Variants in AP1G1 observed in about 807,000 individuals in gnomAD.
AP1G1 encodes the protein AP-1 complex subunit gamma-1.
A neutral mutation model predicts 108.3 loss-of-function variants in AP1G1; 7 were observed. The ratio of observed to expected loss-of-function variants is 0.06; its 90% CI spans 0.04 to 0.12. The LOEUF is 0.12. Ranked by LOEUF, AP1G1 falls within the 10% of genes least tolerant of loss-of-function variation. The pLI is 1.00. For missense variants in AP1G1, 756 were observed against 1,010.7 expected, an observed-to-expected ratio of 0.75 and a Z score of 3.42; for synonymous variants, 379 against 353.5, an observed-to-expected ratio of 1.07 and a Z score of -0.81.
chr16:71,797,432 G>T (rs915998695), intron 1 of AP1G1, among the ~76,000 whole-genome samples: 1 of 152,058 alleles, frequency 6.6e-6, no homozygotes, highest in East Asian at 1.9e-4. Flanking sequence ...TTCAAACCTA[G>T]TAAGGTGTCA....
rs2045476002 is a variant in AP1G1, at chr16:71,731,646, T to G, written c.*1412A>C. The G allele has an allele frequency of 6.6e-6, 1 of 152,532 alleles. No individual in the cohort carries two copies. Among genetic ancestry groups the G allele is most frequent in the Admixed American group, 6.5e-5 (1 of 15,274 alleles). The allele number at this position is 152,532 out of a possible 1,614,324, so 9.4% of individuals were successfully genotyped here. On this transcript the variant is annotated 3_prime_UTR_variant, in exon 23 of 23. Transcript: ENST00000299980. ...TCTACTTCATTCCAGCAACTCAATT[T>G]CAAAGTTTGATAACATATGGGTCCT...
chr16:71,801,322 CCATGA>C (rs1454932469), intron 1 of AP1G1, among the ~76,000 whole-genome samples: 1 of 125,110 alleles, frequency 8.0e-6, no homozygotes, highest in Non-Finnish European at 1.6e-5. Context: ...TATTTACTGA[CCATGA>C]CATGTTAAAA....
intron 11 of AP1G1, among the ~76,000 whole-genome samples, chr16:71,757,124 T>C (rs918750717): frequency 6.6e-6 from 1 of 152,172 alleles, no homozygotes; most frequent in African/African-American, 2.4e-5. Flanking sequence ...TGGTCAATAA[T>C]ATCAAACACT....
At chr16:71,757,128 A>C (rs934171499) in intron 11 of AP1G1, among the ~76,000 whole-genome samples, 10 of 152,190 alleles carry the variant, frequency 6.6e-5, no homozygotes, top group Non-Finnish European at 1.2e-4. Context: ...CAATAATATC[A>C]AACACTATAT....
intron 21 of AP1G1, among the ~76,000 whole-genome samples, chr16:71,738,671 C>G (rs1401236970): frequency 6.6e-6 from 1 of 152,228 alleles, no homozygotes; most frequent in Admixed American, 6.5e-5. Flanking sequence ...TGAGCATTAA[C>G]TGATCACCTC....
intron 1 of AP1G1, chr16:71,808,503 A>C (rs1377876079): frequency 8.0e-7 from 1 of 1,256,080 alleles, no homozygotes; most frequent in Non-Finnish European, 1.0e-6. Context: ...GGAGGCCCGT[A>C]CCGGCGGGGC....
chr16:71,777,788 T>TCC, intron 2 of AP1G1: 2 of 428,110 alleles, frequency 4.7e-6, no homozygotes, highest in South Asian at 3.5e-5. Context: ...CTCCTTCAGG[T>TCC]CCTTGGTGCC....
chr16:71,763,159 A>C (rs1000924420), intron 9 of AP1G1, among the ~76,000 whole-genome samples: 37 of 152,214 alleles, frequency 2.4e-4, no homozygotes, highest in Non-Finnish European at 4.1e-4. Flanking sequence ...CCAGGAGTTC[A>C]AGATCAGCCT....
intron 2 of AP1G1, chr16:71,777,725 T>A: frequency 2.2e-6 from 1 of 446,642 alleles, no homozygotes; most frequent in South Asian, 1.6e-5. Context: ...GTTCTCCTCC[T>A]CCTCCACCAC....
At chr16:71,800,010 CA>C (rs2032729345) in intron 1 of AP1G1, among the ~76,000 whole-genome samples, 1 of 150,924 alleles carries the variant, frequency 6.6e-6, no homozygotes, top group South Asian at 2.1e-4. Context: ...TGCTCAAGCC[CA>C]GGAGTTCGAG....
rs530554955 is a variant in AP1G1 at position 71,762,483 on chromosome 16, G to T, written c.919-916C>A. ...GAACAACCATGATATTAGACGATTG[G>T]AACTTTCAGTCTCATCCCCCAACCT... On this transcript the variant is annotated intron_variant, in intron 9 of 22. Transcript: ENST00000299980. 1.2e-4 allele frequency among the ~76,000 whole-genome samples: 18 copies of T among 152,246 alleles called. No homozygotes were observed. The Middle Eastern group carries it at 0.01, about 86-fold the overall frequency.
At position 71,731,487 on chromosome 16, in the gene AP1G1, T is replaced by C. The variant is rs1404871038; in HGVS notation, c.*1571A>G. On this transcript the variant is annotated 3_prime_UTR_variant, in exon 23 of 23. Coordinates refer to ENST00000299980, the MANE Select transcript of AP1G1 (RefSeq NM_001128.6). Reference sequence around the variant, plus strand: ...AGCCATAGTAGTCATTATACTGTATTCAATACAGTAACAATTGCAAACATT... The same window carrying C: ...AGCCATAGTAGTCATTATACTGTATCCAATACAGTAACAATTGCAAACATT... 6.6e-6 allele frequency: 1 copy of C among 152,648 alleles called. No homozygotes were observed. The highest frequency in any genetic ancestry group is 2.4e-5 in the African/African-American group (1 of 41,460). 9.5% of individuals were successfully genotyped at this position (152,648 alleles called of 1,614,324 possible).
intron 2 of AP1G1, among the ~76,000 whole-genome samples, chr16:71,776,922 CAACATGATGA>C (rs2031800415): frequency 6.6e-6 from 1 of 151,536 alleles, no homozygotes; most frequent in Non-Finnish European, 1.5e-5. Flanking sequence ...CCAGCCTGGT[CAACATGATGA>C]AACCCCGTTT....
intron 15 of AP1G1, 87 bp downstream of exon 15, chr16:71,749,807 A>G: frequency 8.6e-7 from 1 of 1,163,774 alleles, no homozygotes; most frequent in Non-Finnish European, 1.3e-6. Flanking sequence ...GTTTTCAAGG[A>G]ATCAACCTCA....
chr16:71,752,890 TTTC>T (rs2030578473), intron 13 of AP1G1, among the ~76,000 whole-genome samples: 1 of 152,222 alleles, frequency 6.6e-6, no homozygotes, highest in Non-Finnish European at 1.5e-5. Flanking sequence ...TAGCCATTTC[TTTC>T]TTCATGAATT....
At chr16:71,777,288 T>C (rs1288932723) in intron 2 of AP1G1, among the ~76,000 whole-genome samples, 1 of 144,144 alleles carries the variant, frequency 6.9e-6, no homozygotes, top group Admixed American at 6.9e-5. Context: ...GATGCAGAGG[T>C]TAGGCAGGAG....
intron 1 of AP1G1, among the ~76,000 whole-genome samples, chr16:71,797,051 T>C (rs976886008): frequency 1.3e-5 from 2 of 150,804 alleles, no homozygotes; most frequent in Non-Finnish European, 2.9e-5. Flanking sequence ...TATATGTATA[T>C]AAGCATGAAA....
At chr16:71,737,131 G>A (rs1393087890) in intron 21 of AP1G1, among the ~76,000 whole-genome samples, 1 of 152,110 alleles carries the variant, frequency 6.6e-6, no homozygotes, top group East Asian at 1.9e-4. Context: ...TTAGGAAGTG[G>A]CTATCATTAT....
chr16:71,740,648 A>G (rs892036884), intron 19 of AP1G1, among the ~76,000 whole-genome samples: 2 of 152,234 alleles, frequency 1.3e-5, no homozygotes, highest in Non-Finnish European at 2.9e-5. Context: ...GTTTAGCAAA[A>G]AAAGGTGCAA....
Sources: gnomAD v4.1 joint callset for allele counts (sites outside exome capture counted in the v4.1 genomes callset) on GRCh38, gnomAD v4.1.1 for gene constraint, MANE v1.5 for transcripts, NCBI Gene and HGNC (gene_info 2026-07-23, HGNC 2026-07-21) for gene names.